The following ZNF106 variants were observed in gnomAD, a reference collection of about 807,000 sequenced individuals.
ZNF106 encodes the protein zinc finger protein 106.
A neutral mutation model predicts 195.1 loss-of-function variants in ZNF106; 67 were observed. That is an observed-to-expected ratio of 0.34 (90% confidence interval 0.28 to 0.42). The LOEUF is 0.42. Among genes scored for constraint, ZNF106 ranks in the 10% least tolerant of loss-of-function variants. ZNF106 has a pLI of 1.00. For synonymous variants in ZNF106, 784 were observed against 818.6 expected (o/e 0.96, Z 0.72); for missense variants, 2,118 against 2,304.5 (o/e 0.92, Z 1.66).
In ZNF106 at chr15:42,450,041, T is replaced by C. The variant is rs748693466; in HGVS notation, c.2231A>G (p.Lys744Arg). ...PSGPLLPELSKLGFPASLQRD... is the reference protein window; with the variant it reads ...PSGPLLPELSRLGFPASLQRD... ...CTGAAGTGAGGCAGGAAAGCCAAGC[T>C]TACTTAGTTCAGGCAGGAGAGGGCC... The change falls in exon 5 of 22, where the codon AAG (lysine) becomes AGG (arginine). Residue 744 changes from lysine to arginine, a missense_variant. Lys to Arg is a conservative substitution (Grantham distance 26, BLOSUM62 2). Coordinates refer to ENST00000564754, the MANE Select transcript of ZNF106 (RefSeq NM_001366845.3). 6.2e-7 allele frequency: 1 copy of C among 1,614,200 alleles called. No homozygotes were observed. Among genetic ancestry groups the C allele is most frequent in the East Asian group, 2.2e-5 (1 of 44,888 alleles).
intron 14 of ZNF106, among the ~76,000 whole-genome samples, chr15:42,431,389 CT>C (rs552325544): frequency 0.085 from 10,321 of 121,050 alleles, 615 homozygotes; most frequent in African/African-American, 0.18. Flanking sequence ...TTATACGGTT[CT>C]TTTTTTTTTT....
rs375928006 is a variant in ZNF106, at chr15:42,477,793, G to A, written c.-32-5472C>T. Among the ~76,000 whole-genome samples the A allele has an allele frequency of 1.5e-4, 23 of 152,174 alleles. No individual in the cohort carries two copies. The East Asian group carries it at 2.5e-3, about 17-fold the overall frequency. ...TAATCCCAGCTACTCGGGAGGCTGA[G>A]GCAGGAGAGTCACTTGAACCTGAGA... On this transcript the variant is annotated intron_variant, in intron 1 of 21. Transcript: ENST00000564754.
Position 42,451,749 on chromosome 15 carries a change from T to C in ZNF106, c.523A>G (p.Arg175Gly). 1 of 1,614,242 alleles carries C rather than the reference T, an allele frequency of 6.2e-7. No homozygotes were observed. The highest frequency in any genetic ancestry group is 1.1e-5 in the South Asian group (1 of 91,088). The change falls in exon 5 of 22, where the codon AGG (arginine) becomes GGG (glycine). Residue 175 changes from arginine (R) to glycine (G), a missense_variant. Coordinates refer to ENST00000564754, the MANE Select transcript of ZNF106 (RefSeq NM_001366845.3). ...CGTCCTCTTGGTCCACCACCATTCC[T>C]CAAAGAATGTGGAAAGCTGTTTTTC... ...TRKNSFPHSL[R>G]NGGGPRGRSG...
Position 42,424,015 on chromosome 15 carries a change from G to T in ZNF106, c.5236C>A (p.His1746Asn). The T allele has an allele frequency of 6.2e-7, 1 of 1,612,800 alleles. No individual in the cohort carries two copies. The highest frequency in any genetic ancestry group is 8.5e-7 in the Non-Finnish European group (1 of 1,179,706). The change falls in exon 17 of 22, where the codon CAT becomes AAT. Residue 1746 changes from histidine to asparagine, a missense_variant. Coordinates refer to ENST00000564754, the MANE Select transcript of ZNF106 (RefSeq NM_001366845.3). ...CAGCTTACGTGAATGTTGTGAGCATGGACTGACTGATCACTGGAGCCACTG... is the reference window on the plus strand; with the variant it reads ...CAGCTTACGTGAATGTTGTGAGCATTGACTGACTGATCACTGGAGCCACTG... Reference protein sequence around the residue: ...VFSGSSDQSVHAHNIHTGELV... With the variant: ...VFSGSSDQSVNAHNIHTGELV...
Position 42,444,923 on chromosome 15 carries a change from C to T in ZNF106, c.3264G>A (p.Lys1088=), listed in dbSNP as rs2055711882. The change falls in exon 8 of 22, where the codon AAG becomes AAA. Residue 1088 remains lysine, a synonymous_variant. Transcript: ENST00000564754. ...NISLREEELS[K]SLQCMDNNLL... ...GATTGTTATCCATGCACTGCAATGACTTACTAAGTTCTTCCTCCCTTAAAG... is the reference window on the plus strand; with the variant it reads ...GATTGTTATCCATGCACTGCAATGATTTACTAAGTTCTTCCTCCCTTAAAG... The T allele has an allele frequency of 1.2e-6, 2 of 1,614,208 alleles. No homozygotes were observed. The highest frequency in any genetic ancestry group is 1.7e-6 in the Non-Finnish European group (2 of 1,180,040).
intron 3 of ZNF106, among the ~76,000 whole-genome samples, chr15:42,460,783 C>A (rs1405488047): frequency 1.3e-5 from 2 of 151,462 alleles, no homozygotes; most frequent in African/African-American, 4.9e-5. Flanking sequence ...TCGCTTGAAC[C>A]CAGGAGGTGG....
Position 42,417,817 on chromosome 15 carries a change from T to C in ZNF106, c.5652A>G (p.Lys1884=), listed in dbSNP as rs1465510495. The C allele has an allele frequency of 6.2e-7, 1 of 1,613,676 alleles. No individual in the cohort carries two copies. Among genetic ancestry groups the C allele is most frequent in the Non-Finnish European group, 8.5e-7 (1 of 1,179,822 alleles). The part of the protein sequence containing the change: ...KNCDAFFTAR[K]GSKQDAAGHI... ...CCCACTAATGTACCTGTTTGGATCC[T>C]TTCCTAGCAGTGAAAAAAGCATCGC... is the stretch of plus-strand genomic sequence containing the variant. Residue 1884 remains lysine (K), a synonymous_variant, in exon 21 of 22, where the codon AAA becomes AAG. Coordinates refer to ENST00000564754, the MANE Select transcript of ZNF106 (RefSeq NM_001366845.3).
At chr15:42,444,532 C>A (rs2055692215) in intron 8 of ZNF106, among the ~76,000 whole-genome samples, 1 of 152,250 alleles carries the variant, frequency 6.6e-6, no homozygotes, top group South Asian at 2.1e-4. Flanking sequence ...CTCATATAAA[C>A]TCCACATCCC....
chr15:42,435,033 C>G (rs985448555), intron 14 of ZNF106, among the ~76,000 whole-genome samples: 2 of 152,222 alleles, frequency 1.3e-5, no homozygotes, highest in African/African-American at 4.8e-5. Context: ...CTCTGCCTCC[C>G]AAAGTGCTGG....
chr15:42,443,624 G>C (rs533854833), intron 9 of ZNF106, among the ~76,000 whole-genome samples: 4 of 152,068 alleles, frequency 2.6e-5, no homozygotes, highest in South Asian at 4.2e-4. Flanking sequence ...CAGCTACTGG[G>C]GGGAGTGAGG....
intron 1 of ZNF106, among the ~76,000 whole-genome samples, chr15:42,481,776 C>T (rs943748812): frequency 1.3e-5 from 2 of 152,082 alleles, no homozygotes; most frequent in Non-Finnish European, 2.9e-5. Context: ...TCTGATGATT[C>T]GTCAGTGGTA....
intron 1 of ZNF106, among the ~76,000 whole-genome samples, chr15:42,475,404 T>G (rs900694415): frequency 2.6e-5 from 4 of 152,118 alleles, no homozygotes; most frequent in Non-Finnish European, 4.4e-5. Flanking sequence ...ATGACGCCCC[T>G]GCACTCTAGC....
chr15:42,487,798 T>C (rs995606260), intron 1 of ZNF106, among the ~76,000 whole-genome samples: 1 of 152,076 alleles, frequency 6.6e-6, no homozygotes, highest in Admixed American at 6.6e-5. Flanking sequence ...CATTTCCCCC[T>C]CCCTCAACCC....
chr15:42,435,618 CTGTATCCTCA>C, intron 13 of ZNF106, 100 bp from the exon 14 acceptor site: 1 of 1,435,764 alleles, frequency 7.0e-7, no homozygotes. Flanking sequence ...CAGTTCACTG[CTGTATCCTCA>C]TGTCTAAAAC....
chr15:42,449,773 G>A lies in ZNF106; in HGVS notation c.2499C>T (p.Pro833=). 1 of 1,612,612 alleles carries A rather than the reference G, an allele frequency of 6.2e-7. No individual in the cohort carries two copies. The highest frequency in any genetic ancestry group is 8.5e-7 in the Non-Finnish European group (1 of 1,179,018). ...KKKQELGKGL[P]RFGIEMVPLV... is the part of the protein sequence containing the mutation. ...AGACACCGAAAAGCAGCACACACCT[G>A]GGTAAGCCTTTGCCCAGCTCTTGCT... The change falls in exon 5 of 22, where the codon CCC becomes CCT. Residue 833 remains proline (P), a splice_region_variant and synonymous_variant. Coordinates refer to ENST00000564754, the MANE Select transcript of ZNF106 (RefSeq NM_001366845.3).
At chr15:42,420,321 C>T (rs1052929507) in intron 20 of ZNF106, among the ~76,000 whole-genome samples, 2 of 152,044 alleles carry the variant, frequency 1.3e-5, no homozygotes, top group Non-Finnish European at 2.9e-5. Context: ...TATTCGCTAC[C>T]GCCTGTTAGT....
chr15:42,472,086 G>C (rs1405373084), intron 2 of ZNF106, 150 bp downstream of exon 2: 11 of 765,376 alleles, frequency 1.4e-5, no homozygotes, highest in Admixed American at 3.4e-5. Context: ...ATGAGACTAT[G>C]GTTTAGGAAA....
At chr15:42,474,373 A>G (rs541971813) in intron 1 of ZNF106, among the ~76,000 whole-genome samples, 1 of 152,356 alleles carries the variant, frequency 6.6e-6, no homozygotes, top group South Asian at 2.1e-4. Context: ...ATGACATATC[A>G]TAAGGAATTC....
chr15:42,469,109 C>G (rs1350173136), intron 2 of ZNF106, among the ~76,000 whole-genome samples: 1 of 152,058 alleles, frequency 6.6e-6, no homozygotes. Flanking sequence ...CACTTGAACC[C>G]AGGAGGTGGA....
Sources: allele counts gnomAD v4.1 joint callset (sites outside exome capture counted in the v4.1 genomes callset), GRCh38; gene constraint gnomAD v4.1.1; transcripts MANE v1.5; gene names NCBI Gene and HGNC (gene_info 2026-07-23, HGNC 2026-07-21).